CAMK1D: variants seen among roughly 807,000 people sequenced by gnomAD.
CAMK1D encodes the protein calcium/calmodulin-dependent protein kinase type 1D.
In CAMK1D, 9 loss-of-function variants were observed where a neutral mutation model predicts 47.7. The observed-to-expected ratio is 0.19, with a 90% CI of 0.11 to 0.33. CAMK1D has a LOEUF of 0.33. Among genes scored for constraint, CAMK1D ranks in the 10% least tolerant of loss-of-function variants. The pLI, the probability that CAMK1D is intolerant of heterozygous loss-of-function variation, is 1.00. For missense variants in CAMK1D, 291 were observed against 488.7 expected (o/e 0.60, Z 3.81); for synonymous variants, 184 against 184.9 (o/e 0.99, Z 0.04).
At chr10:12,783,509 C>T (rs1415803532) in intron 5 of CAMK1D, among the ~76,000 whole-genome samples, 1 of 152,184 alleles carries the variant, frequency 6.6e-6, no homozygotes, top group African/African-American at 2.4e-5. Flanking sequence ...TCCACCCTCT[C>T]AGCAGAAACT....
chr10:12,658,908 C>A (rs1343772101), intron 2 of CAMK1D, among the ~76,000 whole-genome samples: 1 of 152,182 alleles, frequency 6.6e-6, no homozygotes, highest in South Asian at 2.1e-4. Context: ...AAGGCAAGAA[C>A]CCCAGGATAC....
At chr10:12,798,312 C>T (rs780117511) in intron 6 of CAMK1D, among the ~76,000 whole-genome samples, 1 of 152,194 alleles carries the variant, frequency 6.6e-6, no homozygotes, top group African/African-American at 2.4e-5. Flanking sequence ...TCACTTTTAT[C>T]GAGCCTAACA....
chr10:12,760,134 T>G (rs545171123), intron 3 of CAMK1D, among the ~76,000 whole-genome samples: 3 of 152,308 alleles, frequency 2.0e-5, no homozygotes, highest in African/African-American at 7.2e-5. Flanking sequence ...ATTATTTTGT[T>G]GAACTCAGGG....
chr10:12,549,419 T>A (rs1252515738), intron 1 of CAMK1D, among the ~76,000 whole-genome samples: 1 of 152,280 alleles, frequency 6.6e-6, no homozygotes, highest in Non-Finnish European at 1.5e-5. Flanking sequence ...TATTCTGTTA[T>A]ATGTGTGGAC....
chr10:12,571,029 C>T (rs1837307942), intron 2 of CAMK1D, among the ~76,000 whole-genome samples: 2 of 152,148 alleles, frequency 1.3e-5, no homozygotes, highest in African/African-American at 4.8e-5. Flanking sequence ...ATCATCTCCT[C>T]TCCCAAAATG....
chr10:12,519,397 C>G lies in CAMK1D; in HGVS notation c.93-33828C>G, dbSNP rs1382013548. On this transcript the variant is annotated intron_variant, in intron 1 of 10. Transcript: ENST00000619168. ...CCGGACGGGGCGGCTGGCCGACCCC[C>G]CCCCCCCCGCCTCCCTCCCGGACGG... 3.3e-4 allele frequency among the ~76,000 whole-genome samples: 4 copies of G among 12,042 alleles called. 2 individuals are homozygous for G. The highest frequency in any genetic ancestry group is 7.1e-4 in the Non-Finnish European group (4 of 5,644). The allele number at this position is 12,042 out of a possible 152,430, so 7.9% of individuals were successfully genotyped here.
intron 2 of CAMK1D, among the ~76,000 whole-genome samples, chr10:12,559,665 C>A (rs1000956253): frequency 6.6e-6 from 1 of 152,180 alleles, no homozygotes; most frequent in Non-Finnish European, 1.5e-5. Flanking sequence ...GGTGAATTGA[C>A]TTGAGTCCAT....
chr10:12,480,390 G>A (rs778423044), intron 1 of CAMK1D, among the ~76,000 whole-genome samples: 8 of 151,696 alleles, frequency 5.3e-5, no homozygotes, highest in Non-Finnish European at 1.2e-4. Flanking sequence ...AGCCGAGATC[G>A]CGCCACTGCA....
Position 12,751,114 on chromosome 10 carries a change from AAGATAAGAT to A in CAMK1D, c.300-9832_300-9824del, listed in dbSNP as rs766994286. Reference sequence around the variant, plus strand: ...AAGATAAGATAAGATAAGATAAGATAAGATAAGATAAGAAGGCTTCAGAAGGCTTCTTTC... The same window carrying A: ...AAGATAAGATAAGATAAGATAAGATAAAGAAGGCTTCAGAAGGCTTCTTTC... On this transcript the variant is annotated intron_variant, in intron 3 of 10. Coordinates refer to ENST00000619168, the MANE Select transcript of CAMK1D (RefSeq NM_153498.4). Among the ~76,000 whole-genome samples the A allele has an allele frequency of 9.8e-3, 606 of 62,032 alleles. 1 individual carries two copies. The highest frequency in any genetic ancestry group is 0.014 in the Non-Finnish European group (442 of 30,722). 40.7% of individuals were successfully genotyped at this position (62,032 alleles called of 152,430 possible).
chr10:12,622,693 C>T (rs1839036099), intron 2 of CAMK1D, among the ~76,000 whole-genome samples: 1 of 152,100 alleles, frequency 6.6e-6, no homozygotes, highest in Non-Finnish European at 1.5e-5. Flanking sequence ...CTTGGTCTCC[C>T]TGAAAGGAGA....
chr10:12,522,692 C>T (rs535747169), intron 1 of CAMK1D, among the ~76,000 whole-genome samples: 16 of 151,914 alleles, frequency 1.1e-4, no homozygotes, highest in South Asian at 2.1e-4. Flanking sequence ...CATCATGGCC[C>T]GTTCTCAATG....
At chr10:12,453,756 C>T (rs879389722) in intron 1 of CAMK1D, among the ~76,000 whole-genome samples, 2 of 152,208 alleles carry the variant, frequency 1.3e-5, no homozygotes, top group Admixed American at 1.3e-4. Flanking sequence ...TCCAAAACCC[C>T]TAAAGTTTTA....
intron 1 of CAMK1D, among the ~76,000 whole-genome samples, chr10:12,478,385 C>T (rs945591210): frequency 6.6e-6 from 1 of 151,872 alleles, no homozygotes; most frequent in African/African-American, 2.4e-5. Flanking sequence ...TACTGCAGCC[C>T]CAACCTCGTG....
In CAMK1D at chr10:12,406,858, A is replaced by G. The variant is rs941451846; in HGVS notation, c.92+56948A>G. The stretch of plus-strand genomic sequence containing the variant: ...CAGTTGTCCTTATGTGGGCTATTCT[A>G]GCTCTTTCCCTTACAGTACAACTTG... On this transcript the variant is annotated intron_variant, in intron 1 of 10. Coordinates refer to ENST00000619168, the MANE Select transcript of CAMK1D (RefSeq NM_153498.4). Among the ~76,000 whole-genome samples, 3 of 150,882 alleles carry G rather than the reference A, an allele frequency of 2.0e-5. No homozygotes were observed. The South Asian group carries it at 6.3e-4, about 32-fold the overall frequency.
chr10:12,423,276 G>C (rs1465295558), intron 1 of CAMK1D, among the ~76,000 whole-genome samples: 1 of 151,706 alleles, frequency 6.6e-6, no homozygotes, highest in Non-Finnish European at 1.5e-5. Context: ...CACTTTGAGA[G>C]GTCAAGGTGG....
At chr10:12,828,739 T>G in intron 10 of CAMK1D, 30 bp from the exon 11 acceptor site, 1 of 1,519,618 alleles carries the variant, frequency 6.6e-7, no homozygotes, top group Non-Finnish European at 9.0e-7. Flanking sequence ...CCTCTGAAAC[T>G]CTGAAGCCCA....
At chr10:12,397,489 C>G (rs139849953) in intron 1 of CAMK1D, among the ~76,000 whole-genome samples, 9 of 152,310 alleles carry the variant, frequency 5.9e-5, no homozygotes, top group African/African-American at 1.9e-4. Flanking sequence ...AGGCCACTCT[C>G]CCCAGTCCTA....
In CAMK1D at chr10:12,565,602, G is replaced by C. The variant is rs115449103; in HGVS notation, c.224+12246G>C. On this transcript the variant is annotated intron_variant, in intron 2 of 10. Transcript: ENST00000619168. ...TTATTGAAGAACAAAATGTACTTTT[G>C]CTTCATTTAGTAAATGTACCTTCAA... 5.3e-3 allele frequency among the ~76,000 whole-genome samples: 806 copies of C among 152,250 alleles called. 10 individuals carry two copies. The highest frequency in any genetic ancestry group is 0.017 in the African/African-American group (706 of 41,564).
intron 6 of CAMK1D, among the ~76,000 whole-genome samples, chr10:12,792,839 C>G (rs1220652616): frequency 1.3e-5 from 2 of 152,178 alleles, no homozygotes; most frequent in East Asian, 1.9e-4. Flanking sequence ...AGAATGCTTT[C>G]CCTTTCAAAA....
Sources: gnomAD v4.1 joint callset for allele counts (sites outside exome capture counted in the v4.1 genomes callset) on GRCh38, gnomAD v4.1.1 for gene constraint, MANE v1.5 for transcripts, NCBI Gene and HGNC (gene_info 2026-07-23, HGNC 2026-07-21) for gene names.